GSE1: variants seen among roughly 807,000 people sequenced by gnomAD.
The protein encoded by GSE1 is genetic suppressor element 1.
In GSE1, 32 loss-of-function variants were observed where a neutral mutation model predicts 112.6. That is an observed-to-expected ratio of 0.28 (90% CI 0.21 to 0.38). GSE1 has a LOEUF of 0.38. Ranked by LOEUF, GSE1 falls within the 10% of genes least tolerant of loss-of-function variation. The pLI is 1.00. For synonymous variants in GSE1, 1,115 were observed against 735.6 expected (o/e 1.52, Z -8.35); for missense variants, 2,348 against 1,699.2 (o/e 1.38, Z -6.71).
intron 1 of GSE1, among the ~76,000 whole-genome samples, chr16:85,313,217 G>A (rs1009892388): frequency 2.0e-5 from 3 of 152,138 alleles, no homozygotes; most frequent in Non-Finnish European, 2.9e-5. Flanking sequence ...TGGACCGGGG[G>A]CAGCACCTGC....
At chr16:85,615,058 G>A (rs867092249) in intron 1 of GSE1, among the ~76,000 whole-genome samples, 1 of 152,236 alleles carries the variant, frequency 6.6e-6, no homozygotes, top group African/African-American at 2.4e-5. Flanking sequence ...GGGGTGGAAG[G>A]GGGAACCCAG....
In GSE1 at chr16:85,656,450, A is replaced by G; in HGVS notation, c.1097A>G (p.Glu366Gly). ...GAGAAGGAACGTGAGCGCGAACGCGAGAAGGAGCGCGAGCAAGAGAAGGAG... is the reference window on the plus strand; with the variant it reads ...GAGAAGGAACGTGAGCGCGAACGCGGGAAGGAGCGCGAGCAAGAGAAGGAG... Reference protein sequence around the residue: ...EREKEREREREKEREQEKERE... With the variant: ...EREKERERERGKEREQEKERE... The change falls in exon 7 of 16, where the codon GAG (glutamate) becomes GGG (glycine). Residue 366 changes from glutamate to glycine, a missense_variant. By Grantham distance (98) the Glu-to-Gly change is moderately conservative. Coordinates refer to ENST00000253458, the MANE Select transcript of GSE1 (RefSeq NM_014615.5). 6.4e-7 allele frequency: 1 copy of G among 1,556,148 alleles called. No homozygotes were observed. Among genetic ancestry groups the G allele is most frequent in the Non-Finnish European group, 8.7e-7 (1 of 1,147,176 alleles).
At chr16:85,246,880 C>T (rs4073555) in intron 1 of GSE1, among the ~76,000 whole-genome samples, 1 of 152,032 alleles carries the variant, frequency 6.6e-6, no homozygotes, top group African/African-American at 2.4e-5. Context: ...TGGTTTGTCC[C>T]CCACACCATA....
intron 1 of GSE1, among the ~76,000 whole-genome samples, chr16:85,339,845 T>C (rs1263464324): frequency 6.6e-6 from 1 of 152,216 alleles, no homozygotes; most frequent in Non-Finnish European, 1.5e-5. Flanking sequence ...ACATCGTCTG[T>C]CTTCTTTTAA....
intron 2 of GSE1, among the ~76,000 whole-genome samples, chr16:85,521,044 C>T (rs1447547725): frequency 3.3e-5 from 5 of 152,072 alleles, no homozygotes; most frequent in East Asian, 1.9e-4. Flanking sequence ...CCCAACGAGC[C>T]GGTTTGTCTG....
intron 2 of GSE1, among the ~76,000 whole-genome samples, chr16:85,446,470 C>A (rs114851423): frequency 0.017 from 2,596 of 152,314 alleles, 71 homozygotes; most frequent in African/African-American, 0.06. Context: ...GATGTCCCCC[C>A]ACTCGGCATT....
intron 1 of GSE1, among the ~76,000 whole-genome samples, chr16:85,628,681 C>T (rs1182919709): frequency 6.6e-6 from 1 of 152,212 alleles, no homozygotes; most frequent in Non-Finnish European, 1.5e-5. Context: ...GCCGTCGAGC[C>T]GCCATCCCTT....
chr16:85,187,071 C>G (rs1404221769), intron 1 of GSE1, among the ~76,000 whole-genome samples: 1 of 152,206 alleles, frequency 6.6e-6, no homozygotes, highest in Non-Finnish European at 1.5e-5. Context: ...CTTGGTGTCT[C>G]TGGGGAGTGG....
chr16:85,644,148 C>T (rs769617567), intron 2 of GSE1, among the ~76,000 whole-genome samples: 8 of 151,870 alleles, frequency 5.3e-5, no homozygotes, highest in Non-Finnish European at 1.0e-4. Context: ...GGCACCACAG[C>T]GAGACCCTGT....
chr16:85,314,570 G>A (rs1005828937), intron 1 of GSE1, among the ~76,000 whole-genome samples: 8 of 152,090 alleles, frequency 5.3e-5, no homozygotes, highest in South Asian at 2.1e-4. Context: ...ACACACACAC[G>A]TGAGCATGTG....
rs562075447 is a variant in GSE1, at chr16:85,245,873, G to C, written c.2283+74066G>C. 1.4e-4 allele frequency among the ~76,000 whole-genome samples: 21 copies of C among 152,008 alleles called. No individual in the cohort carries two copies. In the South Asian group the frequency reaches 4.2e-3, roughly 30 times the overall value. ...CCTCACTGGGAGTTCTGCCTCCTGC[G>C]TGTGCGTGTGTGTGTGTGCGTGTGT... On this transcript the variant is annotated intron_variant, in intron 1 of 2. Coordinates refer to the GSE1 transcript ENST00000637419.
intron 1 of GSE1, among the ~76,000 whole-genome samples, chr16:85,217,640 G>A (rs117197064): frequency 3.9e-4 from 59 of 152,308 alleles, no homozygotes; most frequent in South Asian, 2.5e-3. Flanking sequence ...CATGGAGAGC[G>A]TTCAGGACAG....
rs986506811 is a variant in GSE1, at chr16:85,656,805, A to G, written c.1312+140A>G. 2.0e-5 allele frequency: 25 copies of G among 1,228,126 alleles called. No homozygotes were observed. The African/African-American group carries it at 3.3e-4, about 16-fold the overall frequency. 76.1% of individuals were successfully genotyped at this position (1,228,126 alleles called of 1,614,324 possible). A position where few individuals can be genotyped will look rare whatever the true frequency, so the allele number is the denominator to read the frequency against. On this transcript the variant is annotated intron_variant, in intron 7 of 15. Coordinates refer to ENST00000253458, the MANE Select transcript of GSE1 (RefSeq NM_014615.5). ...CCCTAAAAGCGTGGTGTGGCTGAAC[A>G]TGGAGTAGGGAGCAGAGGCACGTTG...
chr16:85,422,876 G>T (rs577225777), intron 2 of GSE1, among the ~76,000 whole-genome samples: 1 of 152,244 alleles, frequency 6.6e-6, no homozygotes, highest in African/African-American at 2.4e-5. Flanking sequence ...CCTGACGCTC[G>T]GGGCTCCAGG....
At chr16:85,287,402 A>G (rs1180921435) in intron 1 of GSE1, among the ~76,000 whole-genome samples, 1 of 152,018 alleles carries the variant, frequency 6.6e-6, no homozygotes, top group African/African-American at 2.4e-5. Context: ...ACAGCCGTGC[A>G]TGTCCCTACG....
Position 85,247,295 on chromosome 16 carries a change from T to C in GSE1, c.2283+75488T>C, listed in dbSNP as rs118039999. On this transcript the variant is annotated intron_variant, in intron 1 of 2. Coordinates refer to the GSE1 transcript ENST00000637419. ...CTAGTGGGTAGGGAGTGCTCCACAA[T>C]TGTGTGTTGTTTGGACACATAATTG... 6.6e-5 allele frequency among the ~76,000 whole-genome samples: 10 copies of C among 152,274 alleles called. No homozygotes were observed. In the East Asian group the frequency reaches 1.9e-3, roughly 29 times the overall value.
chr16:85,554,164 GGTGGGGGGAC>G (rs1175006369), upstream of GSE1, among the ~76,000 whole-genome samples: 1 of 152,134 alleles, frequency 6.6e-6, no homozygotes, highest in African/African-American at 2.4e-5. Context: ...TTAAGGAGAG[GGTGGGGGGAC>G]GTGGGTAAAT....
rs142607630 is a variant in GSE1, at chr16:85,498,032, A to C, written c.2465-135882A>C. ...CCGTGCCTGTGTGCTCCGCAGGAGC[A>C]CCACACCTCAGTGGGGTGGGGGTGG... is the stretch of plus-strand genomic sequence containing the variant. On this transcript the variant is annotated intron_variant, in intron 2 of 2. Transcript: ENST00000637419. Among the ~76,000 whole-genome samples, 606 of 151,042 alleles carry C rather than the reference A, an allele frequency of 4.0e-3. 5 individuals carry two copies. Among genetic ancestry groups the C allele is most frequent in the African/African-American group, 0.014 (563 of 41,266 alleles).
chr16:85,188,813 A>C (rs1182335275), intron 1 of GSE1, among the ~76,000 whole-genome samples: 2 of 150,374 alleles, frequency 1.3e-5, no homozygotes, highest in African/African-American at 4.8e-5. Flanking sequence ...TCTTAAAAAA[A>C]AAAAAAACAA....
Sources: allele counts gnomAD v4.1 joint callset (sites outside exome capture counted in the v4.1 genomes callset), GRCh38; gene constraint gnomAD v4.1.1; transcripts MANE v1.5; gene names NCBI Gene and HGNC (gene_info 2026-07-23, HGNC 2026-07-21).